RHOXF1: variants seen among roughly 807,000 people sequenced by gnomAD.
RHOXF1 encodes the protein Rhox homeobox family member 1.
Under a neutral mutation model 9.7 loss-of-function variants are expected in RHOXF1, and 1 was observed. That is an observed-to-expected ratio of 0.10 (90% CI 0.04 to 0.49). RHOXF1 has a LOEUF of 0.49. Ranked by LOEUF, RHOXF1 falls within the 20% of genes least tolerant of loss-of-function variation. The pLI, the probability that RHOXF1 is intolerant of heterozygous loss-of-function variation, is 0.95. For synonymous variants in RHOXF1, 72 were observed against 70.2 expected (o/e 1.03, Z -0.13); for missense variants, 179 against 168.0 (o/e 1.07, Z -0.36).
rs61737035 is a variant in RHOXF1, at chrX:120,115,635, C to T, written c.228G>A (p.Glu76=). The change falls in exon 1 of 3, where the codon GAG becomes GAA. Residue 76 remains glutamate, a synonymous_variant. Transcript: ENST00000217999. The stretch of plus-strand genomic sequence containing the variant: ...GCGGGGGCTGCGGCTGCTGCCGAGG[C>T]TCCTGGTTTCCACCGCCGCCCTCGG... ...MIPEGGGGNQ[E]PRQQPQPPPE... is the part of the protein sequence containing the mutation. 3,628 of 1,179,610 alleles carry T rather than the reference C, an allele frequency of 3.1e-3. 77 individuals carry two copies. The African/African-American group carries it at 0.056, about 18-fold the overall frequency.
intron 2 of RHOXF1, among the ~76,000 whole-genome samples, chrX:120,109,551 TTTTATTTA>T (rs201010268): frequency 3.7e-5 from 4 of 109,300 alleles, no homozygotes; most frequent in South Asian, 7.7e-4. Flanking sequence ...CTCTTCTCCA[TTTTATTTA>T]TTTATTTATT....
intron 2 of RHOXF1, among the ~76,000 whole-genome samples, chrX:120,109,571 A>ATTAT (rs781846625): frequency 0.013 from 1,356 of 107,233 alleles, 21 homozygotes; most frequent in African/African-American, 0.029. Context: ...TTATTTATTT[A>ATTAT]TTATTTATTT....
chrX:120,112,717 C>G, intron 2 of RHOXF1, 152 bp downstream of exon 2: 1 of 383,819 alleles, frequency 2.6e-6, no homozygotes, highest in Non-Finnish European at 4.5e-6. Flanking sequence ...GACAAGGAAC[C>G]CAAACTTCAA....
intron 1 of RHOXF1, 132 bp from the exon 2 acceptor site, chrX:120,113,046 T>C (rs2057277655): frequency 2.4e-6 from 1 of 418,015 alleles, no homozygotes; most frequent in Admixed American, 3.6e-5. Flanking sequence ...AGTATATACT[T>C]TTCTCTAATT....
At chrX:120,117,499 T>C (rs1159709687), upstream of RHOXF1, 1 of 111,765 alleles carries the variant, frequency 8.9e-6, no homozygotes, top group Non-Finnish European at 1.9e-5. Context: ...TATCTATTTA[T>C]ATCTATTGGT....
intron 2 of RHOXF1, among the ~76,000 whole-genome samples, chrX:120,110,340 T>C (rs1464623556): frequency 9.0e-6 from 1 of 111,552 alleles, no homozygotes; most frequent in African/African-American, 3.3e-5. Context: ...TCAAAAATCT[T>C]TGCTCACCCA....
At position 120,115,766 on chromosome X, in the gene RHOXF1, C is replaced by A; in HGVS notation, c.97G>T (p.Ala33Ser). 8.3e-7 allele frequency: 1 copy of A among 1,208,641 alleles called. No homozygotes were observed. The highest frequency in any genetic ancestry group is 1.8e-5 in the South Asian group (1 of 56,915). The part of the protein sequence containing the change: ...PTPQLGAASS[A>S]EGHVGQGAPG... ...GCTCCTTGGCCAACATGGCCTTCTG[C>A]GCTTGATGCTGCCCCCAGCTGAGGT... The change falls in exon 1 of 3, where the codon GCA (alanine) becomes TCA (serine). Residue 33 changes from alanine (A) to serine (S), a missense_variant. Transcript: ENST00000217999.
At chrX:120,109,571 ATTAT>A (rs781846625) in intron 2 of RHOXF1, among the ~76,000 whole-genome samples, 29 of 107,237 alleles carry the variant, frequency 2.7e-4, no homozygotes, top group East Asian at 8.6e-4. Context: ...TTATTTATTT[ATTAT>A]TTATTTATTT....
intron 2 of RHOXF1, among the ~76,000 whole-genome samples, chrX:120,112,238 A>T (rs1208341563): frequency 9.2e-6 from 1 of 108,998 alleles, no homozygotes; most frequent in Non-Finnish European, 1.9e-5. Flanking sequence ...GTACACTTGA[A>T]CCCTCTTATA....
chrX:120,115,457 C>A lies in RHOXF1; in HGVS notation c.398+8G>T. 1 of 1,092,449 alleles carries A rather than the reference C, an allele frequency of 9.2e-7. No individual in the cohort carries two copies. The allele number at this position is 1,092,449 out of a possible 1,213,427, so 90.0% of individuals were successfully genotyped here. A position where few individuals can be genotyped will look rare whatever the true frequency, so the allele number is the denominator to read the frequency against. On this transcript the variant is annotated splice_region_variant and intron_variant, in intron 1 of 2. Transcript: ENST00000217999. ...GAGATCTCGTGGCTCCTGGAGCAGG[C>A]CACTTACCTTGTGGGCACATCAGGG...
rs2057289674 is a variant in RHOXF1 at position 120,115,515 on chromosome X, C to T, written c.348G>A (p.Glu116=). 7.9e-6 allele frequency: 9 copies of T among 1,134,916 alleles called. No individual in the cohort carries two copies. The highest frequency in any genetic ancestry group is 1.0e-5 in the Non-Finnish European group (9 of 859,136). 93.5% of individuals were successfully genotyped at this position (1,134,916 alleles called of 1,213,427 possible). A position where few individuals can be genotyped will look rare whatever the true frequency, so the allele number is the denominator to read the frequency against. ...RRTKFTLLQV[E]ELESVFRHTQ... ...TGTGTCGGAAAACACTTTCCAGCTCCTCCACCTGCAACAGCGTGAACTTCG... is the reference window on the plus strand; with the variant it reads ...TGTGTCGGAAAACACTTTCCAGCTCTTCCACCTGCAACAGCGTGAACTTCG... The change falls in exon 1 of 3, where the codon GAG becomes GAA. Residue 116 remains glutamate (E), a synonymous_variant. Coordinates refer to ENST00000217999, the MANE Select transcript of RHOXF1 (RefSeq NM_139282.3).
At chrX:120,113,791 T>C (rs1442836138) in intron 1 of RHOXF1, among the ~76,000 whole-genome samples, 1 of 107,814 alleles carries the variant, frequency 9.3e-6, no homozygotes, top group Non-Finnish European at 1.9e-5. Context: ...TAACAATTAA[T>C]GCAAAAATCT....
chrX:120,116,669 A>C (rs2057298232), upstream of RHOXF1, among the ~76,000 whole-genome samples: 1 of 111,199 alleles, frequency 9.0e-6, no homozygotes, highest in South Asian at 3.9e-4. Flanking sequence ...AGGCACTGAA[A>C]GCAGAGCTGC....
chrX:120,112,350 G>A (rs931779477), intron 2 of RHOXF1, among the ~76,000 whole-genome samples: 2 of 105,947 alleles, frequency 1.9e-5, no homozygotes, highest in Non-Finnish European at 3.8e-5. Flanking sequence ...AGCGTTAGAA[G>A]GAGTTGAATT....
intron 2 of RHOXF1, 48 bp from the exon 3 acceptor site, chrX:120,109,350 A>C: frequency 1.3e-6 from 1 of 766,355 alleles, no homozygotes; most frequent in Non-Finnish European, 2.0e-6. Flanking sequence ...TGAACAGTTA[A>C]TGTCGTAATA....
At chrX:120,109,686 A>G (rs1473732983) in intron 2 of RHOXF1, among the ~76,000 whole-genome samples, 1 of 109,461 alleles carries the variant, frequency 9.1e-6, no homozygotes, top group Admixed American at 9.9e-5. Context: ...TTCTGGGCTC[A>G]AGAGATCCTC....
upstream of RHOXF1, among the ~76,000 whole-genome samples, chrX:120,117,391 TTGTG>T (rs201823994): frequency 0.1 from 11,637 of 111,429 alleles, 515 homozygotes; most frequent in Middle Eastern, 0.19. Flanking sequence ...TTTCTAGAGA[TTGTG>T]TGTGTGCTCT....
Position 120,112,881 on chromosome X carries a change from T to C in RHOXF1, c.432A>G (p.Glu144=). Residue 144 remains glutamate, a synonymous_variant, in exon 2 of 3, where the codon GAA becomes GAG. Transcript: ENST00000217999. The part of the protein sequence containing the change: ...RELAENLGVT[E]DKVRVWFKNK... The stretch of plus-strand genomic sequence containing the variant: ...CAAGTGTACTGACCCGCACTTTGTC[T>C]TCAGTCACACCTAAGTTTTCGGCAA... 1 of 1,200,543 alleles carries C rather than the reference T, an allele frequency of 8.3e-7. No individual in the cohort carries two copies. Among genetic ancestry groups the C allele is most frequent in the Non-Finnish European group, 1.1e-6 (1 of 886,009 alleles).
rs1440927946 is a variant in RHOXF1, at chrX:120,115,620, C to T, written c.243G>A (p.Pro81=). The change falls in exon 1 of 3, where the codon CCG becomes CCA. Residue 81 remains proline, a synonymous_variant. Transcript: ENST00000217999. ...GGGNQEPRQQ[P]QPPPEEPAQA... ...GGGCCGGCTCCTCCGGCGGGGGCTG[C>T]GGCTGCTGCCGAGGCTCCTGGTTTC... The T allele has an allele frequency of 8.6e-7, 1 of 1,167,582 alleles. No individual in the cohort carries two copies.
Sources: gnomAD v4.1 joint callset for allele counts (sites outside exome capture counted in the v4.1 genomes callset) on GRCh38, gnomAD v4.1.1 for gene constraint, MANE v1.5 for transcripts, NCBI Gene and HGNC (gene_info 2026-07-23, HGNC 2026-07-21) for gene names.